SUSD5: variants seen among roughly 807,000 people sequenced by gnomAD.
SUSD5 encodes sushi domain containing 5.
In SUSD5, 33 loss-of-function variants were observed where a neutral mutation model predicts 29.5. That is an observed-to-expected ratio of 1.12 (90% confidence interval 0.85 to 1.49). The LOEUF is 1.49. SUSD5 is among the 40% of genes most tolerant of loss of function. The pLI, the probability that SUSD5 is intolerant of heterozygous loss-of-function variation, is 0.00. For missense variants in SUSD5, 776 were observed against 800.6 expected, an observed-to-expected ratio of 0.97 and a Z score of 0.37; for synonymous variants, 308 against 325.3, an observed-to-expected ratio of 0.95 and a Z score of 0.57.
chr3:33,208,637 G>T (rs2032267969), intron 2 of SUSD5, among the ~76,000 whole-genome samples: 3 of 150,538 alleles, frequency 2.0e-5, no homozygotes, highest in Admixed American at 6.6e-5. Flanking sequence ...CTTCTTTTTT[G>T]GGGCAGTATT....
chr3:33,153,968 C>T lies in SUSD5; in HGVS notation c.664G>A (p.Glu222Lys), dbSNP rs749562128. ...FPDDRSVSFR[E>K]LMEDSRTEAD... ...TCTGTCCGGGAATCCTCCATGAGCT[C>T]TCTGAATGACACAGATCTGTCATCA... is the stretch of plus-strand genomic sequence containing the variant. Residue 222 changes from glutamate (E) to lysine (K), a missense_variant, in exon 5 of 5, where the codon GAG becomes AAG. Coordinates refer to ENST00000309558, the MANE Select transcript of SUSD5 (RefSeq NM_015551.2). The T allele has an allele frequency of 2.1e-5, 34 of 1,613,680 alleles. 1 individual carries two copies. The South Asian group carries it at 2.9e-4, about 14-fold the overall frequency.
intron 3 of SUSD5, among the ~76,000 whole-genome samples, chr3:33,181,551 T>G (rs751698077): frequency 3.9e-5 from 6 of 151,936 alleles, no homozygotes; most frequent in Non-Finnish European, 8.8e-5. Flanking sequence ...TTTTTCCCCC[T>G]TTGGAGAGAC....
At chr3:33,209,665 TTTTTC>T (rs1217467362) in intron 2 of SUSD5, among the ~76,000 whole-genome samples, 5 of 150,226 alleles carry the variant, frequency 3.3e-5, no homozygotes, top group East Asian at 1.9e-4. Flanking sequence ...CTTTTCTTTT[TTTTTC>T]TTTTCTTTTC....
intron 3 of SUSD5, among the ~76,000 whole-genome samples, chr3:33,183,440 G>A (rs998108732): frequency 1.1e-4 from 16 of 150,866 alleles, no homozygotes; most frequent in African/African-American, 3.9e-4. Context: ...TTTAGTTGTT[G>A]CCCTGGTGGT....
At chr3:33,211,590 G>A (rs1020602235) in intron 2 of SUSD5, among the ~76,000 whole-genome samples, 1 of 152,162 alleles carries the variant, frequency 6.6e-6, no homozygotes, top group Admixed American at 6.5e-5. Context: ...CACATTTGGA[G>A]ACATGAGTCA....
chr3:33,214,888 A>G (rs2032398953), intron 1 of SUSD5, among the ~76,000 whole-genome samples: 1 of 152,052 alleles, frequency 6.6e-6, no homozygotes, highest in Admixed American at 6.5e-5. Context: ...AGTTAAGCTA[A>G]AGGCAGGGGA....
chr3:33,166,047 A>G (rs999476394), intron 4 of SUSD5, among the ~76,000 whole-genome samples: 2 of 151,668 alleles, frequency 1.3e-5, no homozygotes, highest in African/African-American at 4.8e-5. Context: ...AGGAAAACAC[A>G]CTGTGTAATA....
At chr3:33,164,270 G>A (rs1166276891) in intron 4 of SUSD5, among the ~76,000 whole-genome samples, 1 of 152,138 alleles carries the variant, frequency 6.6e-6, no homozygotes, top group Non-Finnish European at 1.5e-5. Context: ...CCACTTACAT[G>A]AGGCTTTGAT....
intron 4 of SUSD5, among the ~76,000 whole-genome samples, chr3:33,156,331 G>T (rs1426359132): frequency 6.6e-6 from 1 of 152,022 alleles, no homozygotes; most frequent in Non-Finnish European, 1.5e-5. Context: ...GAGTCACCGC[G>T]CCCGGCCCCC....
chr3:33,184,411 G>C (rs1351398712), intron 3 of SUSD5, among the ~76,000 whole-genome samples: 2 of 151,800 alleles, frequency 1.3e-5, no homozygotes, highest in Non-Finnish European at 2.9e-5. Context: ...TAGTTTTTTG[G>C]GTATTTATCC....
intron 3 of SUSD5, 65 bp downstream of exon 3, chr3:33,207,743 C>G: frequency 9.2e-7 from 1 of 1,091,040 alleles, no homozygotes; most frequent in South Asian, 1.5e-5. Flanking sequence ...CTAGAGAAAC[C>G]AACCTCATAT....
intron 2 of SUSD5, among the ~76,000 whole-genome samples, chr3:33,212,474 C>T (rs78662963): frequency 0.038 from 5,834 of 152,262 alleles, 317 homozygotes; most frequent in African/African-American, 0.13. Context: ...AAGGATTCCA[C>T]GGGTCAGGCA....
chr3:33,207,981 A>T lies in SUSD5; in HGVS notation c.291-55T>A, dbSNP rs1017524407. The stretch of plus-strand genomic sequence containing the variant: ...GGAAAACTCTGGGTTGAAAATAATA[A>T]GGAATAATTCTCTTCTGCTGTCAGC... On this transcript the variant is annotated intron_variant, in intron 2 of 4. Coordinates refer to ENST00000309558, the MANE Select transcript of SUSD5 (RefSeq NM_015551.2). 5 of 1,353,240 alleles carry T rather than the reference A, an allele frequency of 3.7e-6. No homozygotes were observed. The South Asian group carries it at 6.0e-5, about 16-fold the overall frequency. 83.8% of individuals were successfully genotyped at this position (1,353,240 alleles called of 1,614,324 possible).
chr3:33,211,890 A>C (rs887340190), intron 2 of SUSD5, among the ~76,000 whole-genome samples: 1 of 152,062 alleles, frequency 6.6e-6, no homozygotes, highest in Non-Finnish European at 1.5e-5. Flanking sequence ...TAGTTCTATA[A>C]TCTACTTTGA....
chr3:33,154,696 C>T (rs2031010697), intron 4 of SUSD5, among the ~76,000 whole-genome samples: 1 of 151,004 alleles, frequency 6.6e-6, no homozygotes, highest in Non-Finnish European at 1.5e-5. Context: ...AAAAACCAAA[C>T]ACATAGGAAT....
rs2030978868 is a variant in SUSD5, at chr3:33,153,785, A to T, written c.847T>A (p.Ser283Thr). Residue 283 changes from serine to threonine, a missense_variant, in exon 5 of 5, where the codon TCA becomes ACA. By Grantham distance (58) the Ser-to-Thr change is moderately conservative. Coordinates refer to ENST00000309558, the MANE Select transcript of SUSD5 (RefSeq NM_015551.2). The part of the protein sequence containing the change: ...PGAGSSVPAD[S>T]PGSRLLQKHL... ...TTCTGGAGCAGCCGTGATCCTGGTG[A>T]ATCTGCGGGGACACTGCTCCCAGCA... 1 of 1,614,024 alleles carries T rather than the reference A, an allele frequency of 6.2e-7. No individual in the cohort carries two copies. Among genetic ancestry groups the T allele is most frequent in the South Asian group, 1.1e-5 (1 of 91,078 alleles).
At chr3:33,162,506 ACTG>A (rs1480906362) in intron 4 of SUSD5, among the ~76,000 whole-genome samples, 1 of 152,242 alleles carries the variant, frequency 6.6e-6, no homozygotes, top group Non-Finnish European at 1.5e-5. Context: ...AATTCTTTGA[ACTG>A]ACGAGTAAGG....
At chr3:33,198,354 C>T (rs2032036270) in intron 3 of SUSD5, among the ~76,000 whole-genome samples, 1 of 152,166 alleles carries the variant, frequency 6.6e-6, no homozygotes. Context: ...GGGTACAGAG[C>T]CCATGGTTCT....
intron 4 of SUSD5, among the ~76,000 whole-genome samples, chr3:33,163,857 G>A (rs554084248): frequency 7.2e-5 from 11 of 152,214 alleles, no homozygotes; most frequent in East Asian, 1.9e-4. Context: ...AAAATTAGCC[G>A]GGCATGGTGG....
Sources: allele counts gnomAD v4.1 joint callset (sites outside exome capture counted in the v4.1 genomes callset), GRCh38; gene constraint gnomAD v4.1.1; transcripts MANE v1.5; gene names NCBI Gene and HGNC (gene_info 2026-07-23, HGNC 2026-07-21).